LUZP2: variants seen among roughly 807,000 people sequenced by gnomAD.
The protein encoded by LUZP2 is leucine zipper protein 2.
A neutral mutation model predicts 51.6 loss-of-function variants in LUZP2; 52 were observed. That is an observed-to-expected ratio of 1.01 (90% CI 0.81 to 1.27). The LOEUF (loss-of-function observed/expected upper bound fraction) is 1.27. Among genes scored for constraint, LUZP2 ranks in the 50% most tolerant of loss-of-function variants. LUZP2 has a pLI of 0.00. For synonymous variants in LUZP2, 154 were observed against 137.3 expected (o/e 1.12, Z -0.85); for missense variants, 436 against 395.4 (o/e 1.10, Z -0.87).
At chr11:24,834,704 CCCA>C (rs59024061) in intron 5 of LUZP2, among the ~76,000 whole-genome samples, 88,335 of 151,686 alleles carry the variant, frequency 0.58, 27,225 homozygotes, top group Middle Eastern at 0.68. Context: ...AATTTGCACT[CCCA>C]CCAACAGTGC....
At chr11:24,932,302 C>CA (rs1854477845) in intron 7 of LUZP2, among the ~76,000 whole-genome samples, 1 of 152,128 alleles carries the variant, frequency 6.6e-6, no homozygotes, top group Non-Finnish European at 1.5e-5. Flanking sequence ...TACAAGCTTG[C>CA]TGTAGGGTCT....
At position 25,015,223 on chromosome 11, in the gene LUZP2, T is replaced by C. The variant is rs139664842; in HGVS notation, c.765+31930T>C. Reference sequence around the variant, plus strand: ...AAACATTATTATCCTGTTTTAAAAATAAACTTTTAGTTTGGAATACCTCTA... The same window carrying C: ...AAACATTATTATCCTGTTTTAAAAACAAACTTTTAGTTTGGAATACCTCTA... On this transcript the variant is annotated intron_variant, in intron 9 of 11. Coordinates refer to ENST00000336930, the MANE Select transcript of LUZP2 (RefSeq NM_001009909.4). 3.1e-3 allele frequency among the ~76,000 whole-genome samples: 478 copies of C among 152,338 alleles called. 4 individuals carry two copies. Among genetic ancestry groups the C allele is most frequent in the African/African-American group, 0.011 (454 of 41,590 alleles).
intron 5 of LUZP2, among the ~76,000 whole-genome samples, chr11:24,843,925 C>G (rs2134205932): frequency 6.6e-6 from 1 of 152,272 alleles, no homozygotes; most frequent in South Asian, 2.1e-4. Flanking sequence ...TGTGAGGCCT[C>G]CCCAGCCATG....
intron 1 of LUZP2, among the ~76,000 whole-genome samples, chr11:24,544,599 A>G (rs983719598): frequency 3.3e-5 from 5 of 152,074 alleles, no homozygotes; most frequent in African/African-American, 1.2e-4. Context: ...ATCCATGTCC[A>G]TGCAAAGGAC....
At chr11:24,982,097 A>C (rs1367656555) in intron 8 of LUZP2, among the ~76,000 whole-genome samples, 1 of 151,944 alleles carries the variant, frequency 6.6e-6, no homozygotes. Flanking sequence ...TGTTATTAAA[A>C]AGTTAAAAAA....
At chr11:24,659,571 T>C (rs1565059638) in intron 1 of LUZP2, among the ~76,000 whole-genome samples, 1 of 150,556 alleles carries the variant, frequency 6.6e-6, no homozygotes, top group Non-Finnish European at 1.5e-5. Context: ...TAAGTATAAT[T>C]AAAAAAAAAT....
At chr11:25,059,964 T>C (rs923494093) in intron 10 of LUZP2, among the ~76,000 whole-genome samples, 3 of 152,114 alleles carry the variant, frequency 2.0e-5, no homozygotes, top group Admixed American at 6.6e-5. Flanking sequence ...AGAACCAAAT[T>C]GAGCACCTAA....
chr11:24,875,712 C>T (rs925841670), intron 5 of LUZP2, among the ~76,000 whole-genome samples: 1 of 151,750 alleles, frequency 6.6e-6, no homozygotes, highest in Non-Finnish European at 1.5e-5. Flanking sequence ...AGTTTACAGT[C>T]CCACCAACAG....
At chr11:24,725,586 A>G (rs1440241239) in intron 1 of LUZP2, among the ~76,000 whole-genome samples, 2 of 152,146 alleles carry the variant, frequency 1.3e-5, no homozygotes, top group Admixed American at 6.6e-5. Context: ...TAAATTATTT[A>G]AAAGAAATTG....
chr11:24,746,347 A>G (rs977482953), intron 4 of LUZP2, among the ~76,000 whole-genome samples: 7 of 152,132 alleles, frequency 4.6e-5, no homozygotes, highest in Non-Finnish European at 1.0e-4. Flanking sequence ...CTTAGCTGGT[A>G]ATTGTTTTGT....
intron 5 of LUZP2, among the ~76,000 whole-genome samples, chr11:24,862,162 C>T (rs1851761231): frequency 6.6e-6 from 1 of 152,082 alleles, no homozygotes; most frequent in Admixed American, 6.6e-5. Flanking sequence ...GGCCAGATCA[C>T]CTATAAAGGG....
rs1463059626 is a variant in LUZP2 at position 24,505,893 on chromosome 11, G to T, written c.62+8588G>T. Among the ~76,000 whole-genome samples, 2 of 151,980 alleles carry T rather than the reference G, an allele frequency of 1.3e-5. 1 individual carries two copies. The highest frequency in any genetic ancestry group is 2.9e-5 in the Non-Finnish European group (2 of 67,962). On this transcript the variant is annotated intron_variant, in intron 1 of 11. Transcript: ENST00000336930. ...GGTGCCTGAAGCTCCAAATTATGTT[G>T]CTATAATATGGGTAAATATTAAATA...
chr11:24,736,781 TG>T (rs1858957712), intron 3 of LUZP2, among the ~76,000 whole-genome samples: 1 of 151,964 alleles, frequency 6.6e-6, no homozygotes, highest in African/African-American at 2.4e-5. Context: ...GAAGAAAGTC[TG>T]ATAAATGAAA....
intron 5 of LUZP2, among the ~76,000 whole-genome samples, chr11:24,788,073 T>C (rs1193568071): frequency 6.6e-6 from 1 of 152,158 alleles, no homozygotes; most frequent in African/African-American, 2.4e-5. Context: ...TCATTATCAG[T>C]AATCTTAAGT....
intron 7 of LUZP2, among the ~76,000 whole-genome samples, chr11:24,919,491 A>G (rs1348197569): frequency 7.4e-6 from 1 of 135,304 alleles, no homozygotes; most frequent in African/African-American, 2.7e-5. Context: ...TATAATATAT[A>G]TTCTTTATAT....
chr11:24,754,818 T>C (rs1859712417), intron 4 of LUZP2, among the ~76,000 whole-genome samples: 1 of 152,172 alleles, frequency 6.6e-6, no homozygotes, highest in Non-Finnish European at 1.5e-5. Context: ...CCTGCATCAA[T>C]GCAAACATGT....
chr11:24,697,120 T>G (rs1857273630), intron 1 of LUZP2, among the ~76,000 whole-genome samples: 4 of 152,118 alleles, frequency 2.6e-5, no homozygotes, highest in Admixed American at 2.0e-4. Flanking sequence ...TTCCATGGAT[T>G]GTGATGCCAT....
At chr11:24,600,017 G>T (rs372724309) in intron 1 of LUZP2, among the ~76,000 whole-genome samples, 13 of 152,184 alleles carry the variant, frequency 8.5e-5, no homozygotes, top group African/African-American at 2.9e-4. Context: ...CTCCATAAAA[G>T]ATATGTTGAA....
intron 10 of LUZP2, 144 bp downstream of exon 10, chr11:25,050,274 T>C (rs561957369): frequency 1.0e-5 from 3 of 290,564 alleles, no homozygotes; most frequent in Admixed American, 1.1e-4. Context: ...TATAAGAAAG[T>C]AAATGTTCTT....
Sources: allele counts gnomAD v4.1 joint callset (sites outside exome capture counted in the v4.1 genomes callset), GRCh38; gene constraint gnomAD v4.1.1; transcripts MANE v1.5; gene names NCBI Gene and HGNC (gene_info 2026-07-23, HGNC 2026-07-21).